Variants in GALNT11 observed in about 807,000 individuals in gnomAD.
GALNT11 encodes UDP-GalNAc:polypeptide N-acetylgalactosaminyltransferase 11.
In GALNT11, 47 loss-of-function variants were observed where a neutral mutation model predicts 72.7. The observed-to-expected ratio is 0.65, with a 90% CI of 0.51 to 0.82. The LOEUF (loss-of-function observed/expected upper bound fraction) is 0.82. GALNT11 is among the 40% of genes least tolerant of loss of function. GALNT11 has a pLI of 0.00. For missense variants in GALNT11, 677 were observed against 778.4 expected (o/e 0.87, Z 1.55); for synonymous variants, 270 against 286.6 (o/e 0.94, Z 0.58).
At chr7:152,085,968 A>G (rs1335025331) in intron 1 of GALNT11, among the ~76,000 whole-genome samples, 2 of 151,312 alleles carry the variant, frequency 1.3e-5, no homozygotes, top group Non-Finnish European at 2.9e-5. Context: ...GCTCACTGCA[A>G]CCTCTGAGTC....
At chr7:152,110,849 G>A (rs575621252) in intron 7 of GALNT11, among the ~76,000 whole-genome samples, 22 of 151,034 alleles carry the variant, frequency 1.5e-4, no homozygotes, top group Middle Eastern at 3.5e-3. Context: ...TCTTGCCTCA[G>A]CCTCCTGATT....
intron 2 of GALNT11, among the ~76,000 whole-genome samples, chr7:152,099,976 A>G (rs527564889): frequency 8.0e-6 from 1 of 124,822 alleles, no homozygotes; most frequent in East Asian, 2.4e-4. Flanking sequence ...TTTTTGTAGT[A>G]GAGACAAGGT....
intron 2 of GALNT11, among the ~76,000 whole-genome samples, chr7:152,097,358 G>A (rs950955200): frequency 3.3e-5 from 5 of 152,188 alleles, no homozygotes; most frequent in Non-Finnish European, 1.5e-5. Context: ...AGTAGCAAGC[G>A]ACAGTGAGGA....
At chr7:152,066,359 G>C (rs931906430) in intron 1 of GALNT11, among the ~76,000 whole-genome samples, 5 of 152,198 alleles carry the variant, frequency 3.3e-5, no homozygotes, top group African/African-American at 1.2e-4. Context: ...GGCTAGGAAA[G>C]GGAATTCCCT....
chr7:152,118,744 G>T lies in GALNT11; in HGVS notation c.1519G>T (p.Val507Leu), dbSNP rs764568487. The change falls in exon 10 of 12, where the codon GTG (valine) becomes TTG (leucine). Residue 507 changes from valine to leucine, a missense_variant. Val to Leu is a conservative substitution (Grantham distance 32). Coordinates refer to ENST00000430044, the MANE Select transcript of GALNT11 (RefSeq NM_022087.4). ...QGRPSQKGGL[V>L]VLKACDYSDP... is the part of the protein sequence containing the mutation. Reference sequence around the variant, plus strand: ...CCGCCCAAGTCAGAAGGGAGGTCTCGTGGTGCTTAAGGCCTGTGACTACAG... The same window carrying T: ...CCGCCCAAGTCAGAAGGGAGGTCTCTTGGTGCTTAAGGCCTGTGACTACAG... The T allele has an allele frequency of 1.2e-6, 2 of 1,611,580 alleles. No individual in the cohort carries two copies. Among genetic ancestry groups the T allele is most frequent in the East Asian group, 2.2e-5 (1 of 44,796 alleles).
intron 1 of GALNT11, among the ~76,000 whole-genome samples, chr7:152,029,043 G>A (rs1338806404): frequency 6.6e-6 from 1 of 152,206 alleles, no homozygotes; most frequent in Non-Finnish European, 1.5e-5. Context: ...GTTGGTGTAA[G>A]AGTTTGAAAG....
rs923043746 is a variant in GALNT11, at chr7:152,049,872, C to T, written c.-39+23988C>T. 1.1e-3 allele frequency among the ~76,000 whole-genome samples: 169 copies of T among 152,226 alleles called. 2 individuals are homozygous for T. The highest frequency in any genetic ancestry group is 3.9e-3 in the African/African-American group (164 of 41,542). ...CTCCCTTTTTCATGAGCAGAGGAGT[C>T]TCCCCCTTAGCTGCCACTGTCCTAG... On this transcript the variant is annotated intron_variant, in intron 1 of 11. Transcript: ENST00000430044.
At chr7:152,110,076 T>A (rs543263341) in intron 6 of GALNT11, among the ~76,000 whole-genome samples, 1 of 152,172 alleles carries the variant, frequency 6.6e-6, no homozygotes, top group South Asian at 2.1e-4. Flanking sequence ...CTAAAAATGC[T>A]CCCAACATTA....
intron 8 of GALNT11, among the ~76,000 whole-genome samples, chr7:152,115,691 C>T (rs2088767080): frequency 6.6e-6 from 1 of 152,200 alleles, no homozygotes; most frequent in South Asian, 2.1e-4. Context: ...AAAATTCAAG[C>T]CCTCAAGTGA....
intron 1 of GALNT11, among the ~76,000 whole-genome samples, chr7:152,080,669 C>T (rs544580809): frequency 1.3e-5 from 2 of 150,718 alleles, no homozygotes; most frequent in Non-Finnish European, 2.9e-5. Flanking sequence ...GCTATTAAAA[C>T]ATTAATTGCG....
In GALNT11 at chr7:152,094,100, T is replaced by C. The variant is rs1474540779; in HGVS notation, c.-38-90T>C. 7.7e-6 allele frequency: 8 copies of C among 1,042,956 alleles called. No individual in the cohort carries two copies. The highest frequency in any genetic ancestry group is 4.4e-4 in the Middle Eastern group (2 of 4,554). The allele number at this position is 1,042,956 out of a possible 1,614,324, so 64.6% of individuals were successfully genotyped here. The stretch of plus-strand genomic sequence containing the variant: ...CCGTTAACTGTACGCATAGTGGTCC[T>C]ACTTGGTGGTTTGGAAAACAGTGAT... On this transcript the variant is annotated intron_variant, in intron 1 of 11. Coordinates refer to ENST00000430044, the MANE Select transcript of GALNT11 (RefSeq NM_022087.4). This position sits in a 1 kb window ranked among gnomAD's most constrained non-coding sequence, Gnocchi z 4.3.
intron 5 of GALNT11, among the ~76,000 whole-genome samples, chr7:152,105,652 T>G (rs2087460390): frequency 6.6e-6 from 1 of 152,234 alleles, no homozygotes; most frequent in Admixed American, 6.5e-5. Context: ...TTTTATATCT[T>G]ATTCACTTAT....
At chr7:152,028,266 C>A (rs759555024) in intron 1 of GALNT11, among the ~76,000 whole-genome samples, 5 of 152,176 alleles carry the variant, frequency 3.3e-5, no homozygotes, top group Non-Finnish European at 5.9e-5. Context: ...GCTGATTAGT[C>A]CATTTTAGAG....
chr7:152,032,073 A>C (rs2082327937), intron 1 of GALNT11, among the ~76,000 whole-genome samples: 1 of 152,270 alleles, frequency 6.6e-6, no homozygotes, highest in Non-Finnish European at 1.5e-5. Context: ...GATGCCTTGT[A>C]CCCTTGATTA....
At chr7:152,067,922 C>T (rs2084405562) in intron 1 of GALNT11, among the ~76,000 whole-genome samples, 1 of 152,050 alleles carries the variant, frequency 6.6e-6, no homozygotes, top group African/African-American at 2.4e-5. Flanking sequence ...GGGGAGCAGA[C>T]ACGTCACATG....
At chr7:152,082,711 T>C (rs2085391418) in intron 1 of GALNT11, among the ~76,000 whole-genome samples, 2 of 152,250 alleles carry the variant, frequency 1.3e-5, no homozygotes, top group African/African-American at 4.8e-5. Flanking sequence ...TTACTATTTA[T>C]TCCTAATTAG....
At chr7:152,042,959 C>A (rs1220421300) in intron 1 of GALNT11, among the ~76,000 whole-genome samples, 1 of 152,188 alleles carries the variant, frequency 6.6e-6, no homozygotes, top group Non-Finnish European at 1.5e-5. Context: ...CCTGTATCTA[C>A]CAAACCTTTA....
Position 152,065,609 on chromosome 7 carries a change from A to G in GALNT11, c.-38-28581A>G, listed in dbSNP as rs2084264086. Among the ~76,000 whole-genome samples the G allele has an allele frequency of 1.3e-5, 2 of 152,106 alleles. 1 individual carries two copies. The highest frequency in any genetic ancestry group is 4.1e-4 in the South Asian group (2 of 4,828). ...GGTCTTTGATGATGGTGACGTACAG[A>G]TGGGATTTCGGTGTGAATGTCCTTT... On this transcript the variant is annotated intron_variant, in intron 1 of 11. Coordinates refer to ENST00000430044, the MANE Select transcript of GALNT11 (RefSeq NM_022087.4).
Position 152,025,873 on chromosome 7 carries a change from GC to G in GALNT11, c.-49del. ...TCCCAGAAGGCGGCGATCCTGGGCT[GC>G]GGGCAAGGCGGTGAGTACCCTCTAG... On this transcript the variant is annotated 5_prime_UTR_variant, in exon 1 of 12. It removes the in-frame stop codon of an upstream open reading frame in the 5' UTR. Transcript: ENST00000430044. 3.5e-6 allele frequency: 1 copy of G among 281,718 alleles called. No homozygotes were observed. Among genetic ancestry groups the G allele is most frequent in the South Asian group, 2.8e-5 (1 of 35,286 alleles). 17.5% of individuals were successfully genotyped at this position (281,718 alleles called of 1,614,324 possible). A position where few individuals can be genotyped will look rare whatever the true frequency, so the allele number is the denominator to read the frequency against.
Sources: gnomAD v4.1 joint callset for allele counts (sites outside exome capture counted in the v4.1 genomes callset) on GRCh38, gnomAD v4.1.1 for gene constraint, Gnocchi (gnomAD v3.1) non-coding constraint, MANE v1.5 for transcripts, NCBI Gene and HGNC (gene_info 2026-07-23, HGNC 2026-07-21) for gene names.